The following EFR3B variants were observed in gnomAD, a reference collection of about 807,000 sequenced individuals.
EFR3B encodes EFR3 homolog B.
A neutral mutation model predicts 104.7 loss-of-function variants in EFR3B; 64 were observed. The observed-to-expected ratio is 0.61, with a 90% CI of 0.50 to 0.75. The LOEUF is 0.75. EFR3B is among the 30% of genes least tolerant of loss of function. EFR3B has a pLI of 0.00. For synonymous variants in EFR3B, 385 were observed against 417.9 expected, an observed-to-expected ratio of 0.92 and a Z score of 0.96; for missense variants, 750 against 1,078.5, an observed-to-expected ratio of 0.70 and a Z score of 4.27.
chr2:25,130,447 G>A lies in EFR3B; in HGVS notation c.771-105G>A, dbSNP rs1670297162. 9.5e-7 allele frequency: 1 copy of A among 1,053,568 alleles called. No homozygotes were observed. Among genetic ancestry groups the A allele is most frequent in the Admixed American group, 2.0e-5 (1 of 50,238 alleles). 65.3% of individuals were successfully genotyped at this position (1,053,568 alleles called of 1,614,324 possible). On this transcript the variant is annotated intron_variant, in intron 7 of 22. Coordinates refer to ENST00000403714, the MANE Select transcript of EFR3B (RefSeq NM_014971.2). The surrounding 1 kb of genome is among the most constrained non-coding windows in gnomAD (Gnocchi z 4.6). ...GGCTTCACTTCCTCACCCGGGAACT[G>A]TGCGAGGGGCTCTGAGAAGGTGTCC...
intron 3 of EFR3B, among the ~76,000 whole-genome samples, chr2:25,101,716 A>G (rs1022313691): frequency 2.0e-5 from 3 of 152,186 alleles, no homozygotes; most frequent in Admixed American, 2.0e-4. Context: ...AGACTGGGAA[A>G]TGGAGTCCCA....
At chr2:25,128,729 C>T (rs1255182348) in intron 6 of EFR3B, among the ~76,000 whole-genome samples, 1 of 151,786 alleles carries the variant, frequency 6.6e-6, no homozygotes, top group African/African-American at 2.4e-5. Flanking sequence ...GAGGCTGAGG[C>T]GGGCAGATCA....
At chr2:25,141,961 T>C (rs900049649) in intron 17 of EFR3B, among the ~76,000 whole-genome samples, 2 of 152,296 alleles carry the variant, frequency 1.3e-5, no homozygotes, top group African/African-American at 4.8e-5. Flanking sequence ...ATAAAATAGA[T>C]CACAGAACAG....
intron 3 of EFR3B, 66 bp from the exon 4 acceptor site, chr2:25,103,571 C>T: frequency 6.6e-7 from 1 of 1,513,172 alleles, no homozygotes; most frequent in Non-Finnish European, 8.9e-7. Context: ...TGACACCTTG[C>T]ATGCCCTGGT....
At chr2:25,132,697 G>A (rs919845519) in intron 10 of EFR3B, among the ~76,000 whole-genome samples, 4 of 150,790 alleles carry the variant, frequency 2.7e-5, no homozygotes, top group East Asian at 2.0e-4. Flanking sequence ...GTGAAAAAAC[G>A]GAGCCTGGAA....
intron 5 of EFR3B, among the ~76,000 whole-genome samples, chr2:25,125,749 C>T (rs11683036): frequency 0.14 from 21,485 of 152,168 alleles, 1,980 homozygotes; most frequent in Non-Finnish European, 0.21. Flanking sequence ...CAGATCGAGA[C>T]CATCCTGGCT....
chr2:25,128,416 A>G, intron 6 of EFR3B, 84 bp downstream of exon 6: 1 of 1,506,436 alleles, frequency 6.6e-7, no homozygotes, highest in East Asian at 2.5e-5. Context: ...TGGGTTGGTC[A>G]GTAAAACTCA....
chr2:25,137,638 C>A lies in EFR3B; in HGVS notation c.1722+136C>A. On this transcript the variant is annotated intron_variant, in intron 15 of 22. Transcript: ENST00000403714. This position sits in a 1 kb window ranked among gnomAD's most constrained non-coding sequence, Gnocchi z 4.7. Reference sequence around the variant, plus strand: ...CCAGGAATATTGTACTCGTGGTTGGCCACGCCTCCCTGAAGACCCCAAACC... The same window carrying A: ...CCAGGAATATTGTACTCGTGGTTGGACACGCCTCCCTGAAGACCCCAAACC... The A allele has an allele frequency of 7.8e-7, 1 of 1,287,102 alleles. No homozygotes were observed. The highest frequency in any genetic ancestry group is 1.1e-6 in the Non-Finnish European group (1 of 944,472). The allele number at this position is 1,287,102 out of a possible 1,614,324, so 79.7% of individuals were successfully genotyped here.
intron 19 of EFR3B, chr2:25,145,504 G>A (rs1670790291): frequency 5.4e-6 from 1 of 185,968 alleles, no homozygotes; most frequent in African/African-American, 2.3e-5. Flanking sequence ...AGCCTGGGAG[G>A]TCAAGGCTGC....
chr2:25,089,773 A>G (rs1421299230), intron 1 of EFR3B, among the ~76,000 whole-genome samples: 1 of 152,086 alleles, frequency 6.6e-6, no homozygotes, highest in East Asian at 1.9e-4. Context: ...AGGAGGCTGA[A>G]CCTGGAGAGC....
At chr2:25,086,966 G>A (rs530472630) in intron 1 of EFR3B, among the ~76,000 whole-genome samples, 5 of 152,234 alleles carry the variant, frequency 3.3e-5, no homozygotes, top group South Asian at 2.1e-4. Context: ...TGCTGTGAAC[G>A]AAGACATACC....
chr2:25,137,048 G>T lies in EFR3B; in HGVS notation c.1561-293G>T, dbSNP rs1670534768. Among the ~76,000 whole-genome samples, 3 of 152,186 alleles carry T rather than the reference G, an allele frequency of 2.0e-5. No individual in the cohort carries two copies. The highest frequency in any genetic ancestry group is 4.4e-5 in the Non-Finnish European group (3 of 68,026). ...TGTGTTAAGCTGACCTCTCTGAGGA[G>T]TCAAGCCCAGAGTGATGAGCCAGTC... On this transcript the variant is annotated intron_variant, in intron 14 of 22. Coordinates refer to ENST00000403714, the MANE Select transcript of EFR3B (RefSeq NM_014971.2). The surrounding 1 kb of genome is among the most constrained non-coding windows in gnomAD (Gnocchi z 4.7).
chr2:25,126,221 C>T (rs920046464), intron 5 of EFR3B, among the ~76,000 whole-genome samples: 7 of 152,136 alleles, frequency 4.6e-5, no homozygotes, highest in South Asian at 2.1e-4. Context: ...CTCTTTCATC[C>T]GGGCTGGAGT....
chr2:25,042,743 T>C lies in EFR3B; in HGVS notation c.7+424T>C. The C allele has an allele frequency of 1.0e-6, 1 of 977,976 alleles. No homozygotes were observed. Among genetic ancestry groups the C allele is most frequent in the Non-Finnish European group, 1.2e-6 (1 of 821,908 alleles). The allele number at this position is 977,976 out of a possible 1,614,324, so 60.6% of individuals were successfully genotyped here. A position where few individuals can be genotyped will look rare whatever the true frequency, so the allele number is the denominator to read the frequency against. On this transcript the variant is annotated intron_variant, in intron 1 of 22. Transcript: ENST00000403714. The surrounding 1 kb of genome is among the most constrained non-coding windows in gnomAD (Gnocchi z 5.4). The stretch of plus-strand genomic sequence containing the variant: ...GCCCGCGGCCGGTCGTCTGCGCGGC[T>C]CGGAGAAGGCGGGAGGCGGCGCCGG...
At chr2:25,080,773 G>T in intron 1 of EFR3B, 1 of 1,285,268 alleles carries the variant, frequency 7.8e-7, no homozygotes, top group South Asian at 1.2e-5. Context: ...GGCTGAATTA[G>T]AGTCAAAATT....
At chr2:25,045,740 G>A (rs1306570889) in intron 1 of EFR3B, among the ~76,000 whole-genome samples, 3 of 151,256 alleles carry the variant, frequency 2.0e-5, no homozygotes, top group African/African-American at 4.9e-5. Flanking sequence ...TGAGATTGGC[G>A]CCACTGCACT....
rs1408108081 is a variant in EFR3B at position 25,130,293 on chromosome 2, A to C, written c.770+184A>C. Among the ~76,000 whole-genome samples, 4 of 152,336 alleles carry C rather than the reference A, an allele frequency of 2.6e-5. No homozygotes were observed. The highest frequency in any genetic ancestry group is 6.8e-3 in the Middle Eastern group (2 of 294). On this transcript the variant is annotated intron_variant, in intron 7 of 22. Coordinates refer to ENST00000403714, the MANE Select transcript of EFR3B (RefSeq NM_014971.2). The surrounding 1 kb of genome is among the most constrained non-coding windows in gnomAD (Gnocchi z 4.6). ...AGCAAAAGCTGCCACAGGGTGGCCAACTGCTGCCAGTAGGAAGGCACCCAA... is the reference window on the plus strand; with the variant it reads ...AGCAAAAGCTGCCACAGGGTGGCCACCTGCTGCCAGTAGGAAGGCACCCAA...
chr2:25,091,515 G>A, intron 2 of EFR3B, 114 bp downstream of exon 2: 2 of 942,694 alleles, frequency 2.1e-6, no homozygotes, highest in Non-Finnish European at 3.1e-6. Flanking sequence ...GCCTCTCAGG[G>A]TCCCTGGGCA....
chr2:25,154,577 C>T lies in EFR3B; in HGVS notation c.*237C>T. ...AGCATCTCACCTGTGCCCTCTTTGTCTTCTCTTGTGTCAGCCAGGGGCAGA... is the reference window on the plus strand; with the variant it reads ...AGCATCTCACCTGTGCCCTCTTTGTTTTCTCTTGTGTCAGCCAGGGGCAGA... On this transcript the variant is annotated 3_prime_UTR_variant, in exon 23 of 23. Coordinates refer to ENST00000403714, the MANE Select transcript of EFR3B (RefSeq NM_014971.2). The surrounding 1 kb of genome is among the most constrained non-coding windows in gnomAD (Gnocchi z 4.1). 2.0e-6 allele frequency: 1 copy of T among 490,990 alleles called. No homozygotes were observed. Among genetic ancestry groups the T allele is most frequent in the Non-Finnish European group, 3.6e-6 (1 of 278,592 alleles). The allele number at this position is 490,990 out of a possible 1,614,324, so 30.4% of individuals were successfully genotyped here. A position where few individuals can be genotyped will look rare whatever the true frequency, so the allele number is the denominator to read the frequency against.
Sources: gnomAD v4.1 joint callset for allele counts (sites outside exome capture counted in the v4.1 genomes callset) on GRCh38, gnomAD v4.1.1 for gene constraint, Gnocchi (gnomAD v3.1) non-coding constraint, MANE v1.5 for transcripts, NCBI Gene and HGNC (gene_info 2026-07-23, HGNC 2026-07-21) for gene names.